The following PCDHA1 variants were observed in gnomAD, a reference collection of about 807,000 sequenced individuals.
The protein encoded by PCDHA1 is protocadherin alpha-1.
In PCDHA1, 42 loss-of-function variants were observed where a neutral mutation model predicts 61.3. The observed-to-expected ratio is 0.69, with a 90% CI of 0.54 to 0.89. The LOEUF (loss-of-function observed/expected upper bound fraction) is 0.89, where lower values mean the gene tolerates loss of function less well. PCDHA1 is among the 40% of genes least tolerant of loss of function. PCDHA1 has a pLI of 0.00. For missense variants in PCDHA1, 1,256 were observed against 1,235.3 expected (o/e 1.02, Z -0.25); for synonymous variants, 610 against 553.8 (o/e 1.10, Z -1.43).
chr5:140,832,274 T>C (rs1771890474), intron 1 of PCDHA1, among the ~76,000 whole-genome samples: 1 of 152,194 alleles, frequency 6.6e-6, no homozygotes, highest in Admixed American at 6.5e-5. Flanking sequence ...TAGACTACAT[T>C]AAGCATGAAT....
At chr5:140,788,949 A>AAAT (rs782679506) in intron 1 of PCDHA1, 234 of 608,194 alleles carry the variant, frequency 3.8e-4, no homozygotes, top group Admixed American at 1.5e-3. Context: ...AATAAAAGGT[A>AAAT]ATGTTGGTCA....
chr5:140,990,956 G>T (rs1179435982), intron 3 of PCDHA1, among the ~76,000 whole-genome samples: 1 of 152,136 alleles, frequency 6.6e-6, no homozygotes, highest in Non-Finnish European at 1.5e-5. Context: ...TGTAGAAATA[G>T]TCTCTTAGAA....
intron 1 of PCDHA1, among the ~76,000 whole-genome samples, chr5:140,943,341 G>T (rs1021651625): frequency 5.3e-5 from 8 of 151,780 alleles, no homozygotes; most frequent in African/African-American, 1.9e-4. Context: ...CATTGGACAG[G>T]ATGAGAGTAG....
chr5:140,946,457 C>T (rs1480427132), intron 1 of PCDHA1, among the ~76,000 whole-genome samples: 2 of 151,612 alleles, frequency 1.3e-5, no homozygotes, highest in Non-Finnish European at 3.0e-5. Flanking sequence ...AACTATCCAG[C>T]AATCCCACTA....
chr5:140,788,876 A>G (rs1761500757), intron 1 of PCDHA1, 192 bp downstream of exon 1: 1 of 1,327,238 alleles, frequency 7.5e-7, no homozygotes. Context: ...AGAAAAATGT[A>G]GGGACAAATT....
chr5:140,869,963 A>G lies in PCDHA1; in HGVS notation c.2394+81279A>G, dbSNP rs782588471. 11 of 1,613,128 alleles carry G rather than the reference A, an allele frequency of 6.8e-6. No homozygotes were observed. Among genetic ancestry groups the G allele is most frequent in the East Asian group, 2.2e-5 (1 of 44,874 alleles). On this transcript the variant is annotated intron_variant, in intron 1 of 3. Coordinates refer to ENST00000504120, the MANE Select transcript of PCDHA1 (RefSeq NM_018900.4). ...TACTCCTTAATGTCAATTAAGCCCA[A>G]TGGAAGACACTTATTTACACTAGAT...
rs138948867 is a variant in PCDHA1, at chr5:140,849,674, C to A, written c.2394+60990C>A. 2.5e-6 allele frequency: 4 copies of A among 1,598,602 alleles called. 1 individual carries two copies. Among genetic ancestry groups the A allele is most frequent in the Non-Finnish European group, 3.4e-6 (4 of 1,168,020 alleles). ...TTACCTGCTCCCTGACGCCCCACGT[C>A]CCCTTCAAGCTGGTGTCCACCTACA... On this transcript the variant is annotated intron_variant, in intron 1 of 3. Coordinates refer to ENST00000504120, the MANE Select transcript of PCDHA1 (RefSeq NM_018900.4).
chr5:141,000,418 T>TAA (rs2097924814), intron 3 of PCDHA1, among the ~76,000 whole-genome samples: 1 of 83,682 alleles, frequency 1.2e-5, no homozygotes, highest in Non-Finnish European at 2.2e-5. Context: ...TATATATATA[T>TAA]ATATTTTTTT....
chr5:140,927,421 G>A, intron 1 of PCDHA1: 2 of 1,614,208 alleles, frequency 1.2e-6, no homozygotes, highest in South Asian at 1.1e-5. Flanking sequence ...GGGATCGCGG[G>A]TTGACGGCAG....
chr5:140,929,722 T>G (rs558208996), intron 1 of PCDHA1: 1 of 221,696 alleles, frequency 4.5e-6, no homozygotes, highest in Non-Finnish European at 9.4e-6. Flanking sequence ...AGGTGAAACA[T>G]TTACTTAAAC....
At chr5:140,888,128 T>C (rs1365856723) in intron 1 of PCDHA1, among the ~76,000 whole-genome samples, 1 of 152,248 alleles carries the variant, frequency 6.6e-6, no homozygotes, top group Non-Finnish European at 1.5e-5. Flanking sequence ...TCTATGGATA[T>C]ATTTTCTTGC....
Position 140,851,117 on chromosome 5 carries a change from T to C in PCDHA1, c.2394+62433T>C, listed in dbSNP as rs932245132. 14 of 1,306,346 alleles carry C rather than the reference T, an allele frequency of 1.1e-5. No homozygotes were observed. The African/African-American group carries it at 2.0e-4, about 19-fold the overall frequency. 80.9% of individuals were successfully genotyped at this position (1,306,346 alleles called of 1,614,324 possible). On this transcript the variant is annotated intron_variant, in intron 1 of 3. Transcript: ENST00000504120. ...ATATTTTTTGGGTGCTGAATCAATT[T>C]TATTTAAATTTGTGATTAAAGTGAC... is the stretch of plus-strand genomic sequence containing the variant.
chr5:140,992,971 T>C (rs1186217726), intron 3 of PCDHA1, among the ~76,000 whole-genome samples: 17 of 152,166 alleles, frequency 1.1e-4, no homozygotes, highest in Admixed American at 1.1e-3. Flanking sequence ...CTGCTGACAA[T>C]GATTAGGCCA....
At chr5:140,856,264 C>A (rs1309055685) in intron 1 of PCDHA1, 7 of 1,598,114 alleles carry the variant, frequency 4.4e-6, no homozygotes, top group South Asian at 3.3e-5. Flanking sequence ...GACACGGGGA[C>A]CTTCTGGAGG....
rs782007386 is a variant in PCDHA1 at position 140,856,148 on chromosome 5, G to A, written c.2394+67464G>A. 6.9e-6 allele frequency: 11 copies of A among 1,598,220 alleles called. No homozygotes were observed. In the East Asian group the frequency reaches 2.0e-4, roughly 29 times the overall value. ...GGGGAGCGGCCAGCTCCACTACTCA[G>A]TCTACGAGGAGGCCAGACACGGCAC... On this transcript the variant is annotated intron_variant, in intron 1 of 3. Transcript: ENST00000504120.
chr5:140,809,107 G>C (rs1333130927), intron 1 of PCDHA1: 1 of 1,613,952 alleles, frequency 6.2e-7, no homozygotes, highest in Non-Finnish European at 8.5e-7. Context: ...TGGACGAAAC[G>C]GACGCTCCGC....
chr5:140,928,109 A>G (rs1472439079), intron 1 of PCDHA1: 1 of 1,614,104 alleles, frequency 6.2e-7, no homozygotes, highest in Middle Eastern at 1.6e-4. Flanking sequence ...CTGGACCGGG[A>G]GCAGATCAGT....
intron 1 of PCDHA1, chr5:140,877,904 A>G (rs1421896402): frequency 7.0e-7 from 1 of 1,436,098 alleles, no homozygotes; most frequent in East Asian, 2.5e-5. Context: ...GGTTATAACT[A>G]CATTCTCTCA....
intron 1 of PCDHA1, chr5:140,877,261 G>T: frequency 6.2e-7 from 1 of 1,613,814 alleles, no homozygotes; most frequent in South Asian, 1.1e-5. Context: ...AGTGCGCGCG[G>T]TGGACGCTGA....
Sources: allele counts gnomAD v4.1 joint callset (sites outside exome capture counted in the v4.1 genomes callset), GRCh38; gene constraint gnomAD v4.1.1; transcripts MANE v1.5; gene names NCBI Gene and HGNC (gene_info 2026-07-23, HGNC 2026-07-21).